The following HNF1B variants were observed in gnomAD, a reference collection of about 807,000 sequenced individuals.
HNF1B encodes the protein hepatocyte nuclear factor 1-beta.
A neutral mutation model predicts 61.7 loss-of-function variants in HNF1B; 8 were observed. The ratio of observed to expected loss-of-function variants is 0.13; its 90% CI spans 0.08 to 0.23. The LOEUF is 0.23. Among genes scored for constraint, HNF1B ranks in the 10% least tolerant of loss-of-function variants. The probability of loss-of-function intolerance (pLI) is 1.00; values close to 1 mark genes in which losing one functional copy is unlikely to be tolerated. For missense variants in HNF1B, 562 were observed against 714.5 expected, an observed-to-expected ratio of 0.79 and a Z score of 2.43; for synonymous variants, 314 against 287.7, an observed-to-expected ratio of 1.09 and a Z score of -0.93.
In HNF1B at chr17:37,699,196, T is replaced by C; in HGVS notation, c.1535-2A>G. 6.2e-7 allele frequency: 1 copy of C among 1,609,684 alleles called. No homozygotes were observed. The highest frequency in any genetic ancestry group is 1.1e-5 in the South Asian group (1 of 90,970). On this transcript the variant is annotated splice_acceptor_variant, in intron 7 of 8. Coordinates refer to ENST00000617811, the MANE Select transcript of HNF1B (RefSeq NM_000458.4). LOFTEE classifies it high-confidence loss of function. ...GGGGTTCCTGCTTGTGTGCGTACAC[T>C]GGAGAGACAGAGTGAAGACAGAATC...
chr17:37,724,903 CGTGTGTGTGTGTGTGTGT>C (rs34210303), intron 4 of HNF1B, among the ~76,000 whole-genome samples: 1 of 145,316 alleles, frequency 6.9e-6, no homozygotes, highest in Admixed American at 6.8e-5. Flanking sequence ...TATATGTATG[CGTGTGTGTGTGTGTGTGT>C]GTGTGTGTGT....
intron 4 of HNF1B, among the ~76,000 whole-genome samples, chr17:37,717,569 T>C (rs1460675342): frequency 6.6e-6 from 1 of 152,196 alleles, no homozygotes; most frequent in Admixed American, 6.5e-5. Context: ...GTTGGGGAGA[T>C]GACAGGGAGA....
intron 8 of HNF1B, among the ~76,000 whole-genome samples, chr17:37,687,608 GAAGA>G (rs2147408431): frequency 6.6e-6 from 1 of 151,868 alleles, no homozygotes; most frequent in Admixed American, 6.5e-5. Flanking sequence ...GGCCACTTCA[GAAGA>G]AAGAAGTGAA....
rs1306958595 is a variant in HNF1B at position 37,720,799 on chromosome 17, G to A, written c.1046-10136C>T. The A allele has an allele frequency of 4.1e-6, 4 of 985,170 alleles. No homozygotes were observed. The African/African-American group carries it at 5.2e-5, about 13-fold the overall frequency. The allele number at this position is 985,170 out of a possible 1,614,324, so 61.0% of individuals were successfully genotyped here. A position where few individuals can be genotyped will look rare whatever the true frequency, so the allele number is the denominator to read the frequency against. On this transcript the variant is annotated intron_variant, in intron 4 of 8. Transcript: ENST00000617811. ...CTCAGAATACATACATACAGAGCAA[G>A]GTGTTCAGAGACTTCAGGGACCTTC... is the stretch of plus-strand genomic sequence containing the variant.
Position 37,744,729 on chromosome 17 carries a change from G to A in HNF1B, c.156C>T (p.Ser52=), listed in dbSNP as rs1169046984. 10 of 1,613,404 alleles carry A rather than the reference G, an allele frequency of 6.2e-6. No individual in the cohort carries two copies. Among genetic ancestry groups the A allele is most frequent in the Non-Finnish European group, 8.5e-6 (10 of 1,180,040 alleles). The stretch of plus-strand genomic sequence containing the variant: ...CCGGCTTGGTGTCGGGCTCGGCCCC[G>A]CTGCCAGGGGACAGGGGCAGCGTCT... ...KLETLPLSPG[S]GAEPDTKPVF... is the part of the protein sequence containing the mutation. The change falls in exon 1 of 9, where the codon AGC becomes AGT. Residue 52 remains serine, a synonymous_variant. Coordinates refer to ENST00000617811, the MANE Select transcript of HNF1B (RefSeq NM_000458.4).
Position 37,739,632 on chromosome 17 carries a change from G to C in HNF1B, c.352C>G (p.Pro118Ala), listed in dbSNP as rs745356532. 1.2e-6 allele frequency: 2 copies of C among 1,611,000 alleles called. No individual in the cohort carries two copies. The highest frequency in any genetic ancestry group is 3.3e-4 in the Middle Eastern group (2 of 6,056). ...AEVDRMLSED[P>A]WRAAKMIKGY... ...TTGATCATTTTAGCAGCCCTCCAAGGGTCCTCACTAGACAGACAAGCAGAT... is the reference window on the plus strand; with the variant it reads ...TTGATCATTTTAGCAGCCCTCCAAGCGTCCTCACTAGACAGACAAGCAGAT... The change falls in exon 2 of 9, where the codon CCT becomes GCT. Residue 118 changes from proline to alanine, a missense_variant. Coordinates refer to ENST00000617811, the MANE Select transcript of HNF1B (RefSeq NM_000458.4).
chr17:37,701,078 C>T lies in HNF1B; in HGVS notation c.1439G>A (p.Ser480Asn), dbSNP rs1327364359. 3.2e-6 allele frequency: 5 copies of T among 1,553,800 alleles called. No homozygotes were observed. The highest frequency in any genetic ancestry group is 2.7e-5 in the African/African-American group (2 of 73,340). Residue 480 changes from serine (S) to asparagine (N), a missense_variant, in exon 7 of 9, where the codon AGC (serine) becomes AAC (asparagine). Ser to Asn is a conservative substitution (Grantham distance 46). This residue lies in a region of HNF1B where 211 missense variants were observed against 200.7 expected (regional missense o/e 1.05). Transcript: ENST00000617811. ...QPVQFSQQLH[S>N]PHQQPLMQQS... ...CTGCATGAGGGGCTGCTGGTGAGGG[C>T]TGTGCAGCTGCTGGGAGAACTGGAC...
intron 4 of HNF1B, among the ~76,000 whole-genome samples, chr17:37,718,804 A>C (rs1287329165): frequency 6.6e-6 from 1 of 152,220 alleles, no homozygotes; most frequent in Admixed American, 6.5e-5. Flanking sequence ...ACATTTATTG[A>C]AGGAGTAAAT....
At chr17:37,737,422 G>C (rs1469330985) in intron 2 of HNF1B, among the ~76,000 whole-genome samples, 2 of 152,190 alleles carry the variant, frequency 1.3e-5, no homozygotes, top group Non-Finnish European at 2.9e-5. Context: ...CTGGAGAAAA[G>C]AACCTATGTA....
rs1160326652 is a variant in HNF1B, at chr17:37,733,813, G to A, written c.553C>T (p.Gln185Ter). The change falls in exon 3 of 9, where the codon CAG (glutamine) becomes TAG (stop). Residue 185 changes from glutamine (Q) to a stop codon, truncating the protein, a stop_gained. Coordinates refer to ENST00000617811, the MANE Select transcript of HNF1B (RefSeq NM_000458.4). LOFTEE classifies it high-confidence loss of function. ...ATATTTCCAGAACTCTGGACTGTCT[G>A]GTTGAATTCTGAAAAGAGAAAGGAG... ...KQREILRQFNQTVQSSGNMTD... is the reference protein window; with the variant it reads ...KQREILRQFN 2 of 1,614,178 alleles carry A rather than the reference G, an allele frequency of 1.2e-6. No homozygotes were observed. Among genetic ancestry groups the A allele is most frequent in the Non-Finnish European group, 1.7e-6 (2 of 1,180,042 alleles).
intron 8 of HNF1B, among the ~76,000 whole-genome samples, chr17:37,690,093 G>A (rs1344720074): frequency 1.2e-4 from 19 of 152,114 alleles, no homozygotes; most frequent in Admixed American, 1.2e-3. Context: ...ATAGAGGTTA[G>A]GGCAGCTTGA....
intron 8 of HNF1B, among the ~76,000 whole-genome samples, chr17:37,693,396 A>AG (rs1392301990): frequency 6.6e-6 from 1 of 152,136 alleles, no homozygotes; most frequent in Non-Finnish European, 1.5e-5. Flanking sequence ...GTCTCCCAAC[A>AG]GGGAATTAAC....
intron 4 of HNF1B, among the ~76,000 whole-genome samples, chr17:37,720,545 A>G (rs1331435670): frequency 6.6e-6 from 1 of 152,048 alleles, no homozygotes; most frequent in African/African-American, 2.4e-5. Context: ...TATGCTATAT[A>G]AAACAAAACT....
At chr17:37,700,680 T>C (rs1415058184) in intron 7 of HNF1B, among the ~76,000 whole-genome samples, 1 of 152,140 alleles carries the variant, frequency 6.6e-6, no homozygotes, top group South Asian at 2.1e-4. Flanking sequence ...TCCAGAGGTG[T>C]TGGAATGGGA....
At chr17:37,696,517 G>A (rs1319602272) in intron 8 of HNF1B, among the ~76,000 whole-genome samples, 3 of 152,134 alleles carry the variant, frequency 2.0e-5, no homozygotes, top group South Asian at 2.1e-4. Flanking sequence ...CTCTCACCAC[G>A]TGATGCACCT....
At chr17:37,739,054 G>A (rs1008762477) in intron 2 of HNF1B, among the ~76,000 whole-genome samples, 3 of 152,156 alleles carry the variant, frequency 2.0e-5, no homozygotes, top group Non-Finnish European at 2.9e-5. Context: ...TGACTGCAAC[G>A]AAATGTCTTC....
At chr17:37,695,022 G>T (rs2032338074) in intron 8 of HNF1B, among the ~76,000 whole-genome samples, 3 of 152,200 alleles carry the variant, frequency 2.0e-5, no homozygotes, top group South Asian at 2.1e-4. Flanking sequence ...GACTAAAGAG[G>T]GCTGCATGCT....
Position 37,699,148 on chromosome 17 carries a change from C to T in HNF1B, c.1581G>A (p.Arg527=). Residue 527 remains arginine (R), a synonymous_variant, in exon 8 of 9, where the codon CGG becomes CGA. Coordinates refer to ENST00000617811, the MANE Select transcript of HNF1B (RefSeq NM_000458.4). The stretch of plus-strand genomic sequence containing the variant: ...CTGTGACCACCATTGCAGATGGAAA[C>T]CGGGAGGTGTGGGAATACTGGGGGG... ...QEPPQYSHTS[R]FPSAMVVTDT... 3 of 1,614,096 alleles carry T rather than the reference C, an allele frequency of 1.9e-6. No homozygotes were observed. The highest frequency in any genetic ancestry group is 2.5e-6 in the Non-Finnish European group (3 of 1,180,014).
chr17:37,711,732 C>T (rs1054159004), intron 4 of HNF1B, among the ~76,000 whole-genome samples: 3 of 152,178 alleles, frequency 2.0e-5, no homozygotes, highest in African/African-American at 7.2e-5. Context: ...TTTGGAGGAC[C>T]CTGTCCTGCA....
Sources: gnomAD v4.1 joint callset for allele counts (sites outside exome capture counted in the v4.1 genomes callset) on GRCh38, gnomAD v4.1.1 for gene constraint, gnomAD v4.1.1 regional missense constraint, MANE v1.5 for transcripts, NCBI Gene and HGNC (gene_info 2026-07-23, HGNC 2026-07-21) for gene names.